Variants in DLGAP2 observed in about 807,000 individuals in gnomAD.
DLGAP2 encodes the protein DLG associated protein 2, also known as disks large-associated protein 2.
A neutral mutation model predicts 100.3 loss-of-function variants in DLGAP2; 26 were observed. That is an observed-to-expected ratio of 0.26 (90% CI 0.19 to 0.36). DLGAP2 has a LOEUF of 0.36. DLGAP2 is among the 10% of genes least tolerant of loss of function. DLGAP2 has a pLI of 1.00. For missense variants in DLGAP2, 1,858 were observed against 1,453.2 expected (o/e 1.28, Z -4.53); for synonymous variants, 886 against 630.1 (o/e 1.41, Z -6.08).
chr8:1,698,096 C>T (rs565722099), intron 14 of DLGAP2, among the ~76,000 whole-genome samples: 5 of 152,350 alleles, frequency 3.3e-5, no homozygotes, highest in East Asian at 1.9e-4. Context: ...GTCATGAGAA[C>T]GAGAGCCAGA....
chr8:1,409,466 A>G (rs767660390), intron 3 of DLGAP2, among the ~76,000 whole-genome samples: 2 of 152,224 alleles, frequency 1.3e-5, no homozygotes, highest in East Asian at 3.9e-4. Flanking sequence ...GTAAAGACTG[A>G]TTTCAGAAAT....
At chr8:852,305 C>G (rs186323139) in intron 1 of DLGAP2, among the ~76,000 whole-genome samples, 4 of 152,314 alleles carry the variant, frequency 2.6e-5, no homozygotes, top group East Asian at 1.9e-4. Context: ...GGCTCTGCCT[C>G]CTGTCTCCAC....
Position 809,108 on chromosome 8 carries a change from T to A in DLGAP2, c.18+71283T>A, listed in dbSNP as rs143618377. Among the ~76,000 whole-genome samples the A allele has an allele frequency of 4.5e-3, 687 of 152,262 alleles. 3 individuals carry two copies. Among genetic ancestry groups the A allele is most frequent in the African/African-American group, 0.016 (655 of 41,540 alleles). The stretch of plus-strand genomic sequence containing the variant: ...TTTTAGTAGACAGGATTTCACCATG[T>A]TGGCCAGGCTGGTTTCGAATTCCTG... On this transcript the variant is annotated intron_variant, in intron 1 of 14. Coordinates refer to ENST00000637795, the MANE Select transcript of DLGAP2 (RefSeq NM_001346810.2).
At chr8:1,560,556 C>G (rs546396199) in intron 5 of DLGAP2, among the ~76,000 whole-genome samples, 2 of 152,298 alleles carry the variant, frequency 1.3e-5, no homozygotes, top group Admixed American at 1.3e-4. Flanking sequence ...GGGGAAGCTT[C>G]ATGGAAGGAA....
At position 1,493,174 on chromosome 8, in the gene DLGAP2, C is replaced by T. The variant is rs560483462; in HGVS notation, c.107-8192C>T. On this transcript the variant is annotated intron_variant, in intron 3 of 14. Coordinates refer to ENST00000637795, the MANE Select transcript of DLGAP2 (RefSeq NM_001346810.2). ...AAGAACTCGGGGAGAAGAGGCAGTG[C>T]CCTAGGAACCCAGATGGCTGCCTTC... 1.7e-4 allele frequency among the ~76,000 whole-genome samples: 26 copies of T among 152,318 alleles called. No individual in the cohort carries two copies. In the East Asian group the frequency reaches 4.2e-3, roughly 25 times the overall value.
chr8:1,086,230 T>G (rs1259546344), intron 2 of DLGAP2, among the ~76,000 whole-genome samples: 1 of 152,234 alleles, frequency 6.6e-6, no homozygotes, highest in East Asian at 1.9e-4. Flanking sequence ...TTAACTTCTT[T>G]CCAATTTGTA....
At chr8:743,355 G>T (rs181450848) in intron 1 of DLGAP2, among the ~76,000 whole-genome samples, 4 of 152,226 alleles carry the variant, frequency 2.6e-5, no homozygotes, top group East Asian at 1.9e-4. Context: ...TCATTTTTTG[G>T]TGAAGATAAA....
Position 1,456,806 on chromosome 8 carries a change from C to T in DLGAP2, c.107-44560C>T, listed in dbSNP as rs6558476. ...GTTTTGCGAGGGAGCTCTGTGATGC[C>T]GTGAGCCCGGGTGCCTGCACTCTGG... On this transcript the variant is annotated intron_variant, in intron 3 of 14. Coordinates refer to ENST00000637795, the MANE Select transcript of DLGAP2 (RefSeq NM_001346810.2). 4.4e-3 allele frequency among the ~76,000 whole-genome samples: 420 copies of T among 96,422 alleles called. 1 individual carries two copies. Among genetic ancestry groups the T allele is most frequent in the East Asian group, 6.9e-3 (24 of 3,476 alleles). The allele number at this position is 96,422 out of a possible 152,430, so 63.3% of individuals were successfully genotyped here.
chr8:796,024 C>G (rs1376675444), intron 1 of DLGAP2, among the ~76,000 whole-genome samples: 5 of 134,762 alleles, frequency 3.7e-5, no homozygotes, highest in Admixed American at 1.5e-4. Context: ...TGAGAGCAGG[C>G]ATCCAGTGAG....
intron 3 of DLGAP2, among the ~76,000 whole-genome samples, chr8:1,496,060 GA>G (rs1196926234): frequency 2.6e-5 from 4 of 152,128 alleles, no homozygotes; most frequent in South Asian, 2.1e-4. Context: ...CTGATACATA[GA>G]GAATGTAAAA....
intron 1 of DLGAP2, among the ~76,000 whole-genome samples, chr8:833,011 T>C (rs1253145270): frequency 2.6e-5 from 4 of 152,218 alleles, no homozygotes; most frequent in Admixed American, 2.0e-4. Context: ...TTCATGTAGA[T>C]GAAGGTGCAA....
chr8:1,171,629 A>G (rs1474657628), intron 2 of DLGAP2, among the ~76,000 whole-genome samples: 2 of 152,146 alleles, frequency 1.3e-5, no homozygotes, highest in African/African-American at 2.4e-5. Flanking sequence ...TCCCTTTACC[A>G]TTATGTAATG....
At chr8:786,523 G>A (rs955955849) in intron 1 of DLGAP2, among the ~76,000 whole-genome samples, 3 of 152,168 alleles carry the variant, frequency 2.0e-5, no homozygotes, top group Non-Finnish European at 2.9e-5. Flanking sequence ...AAGCAGCCTT[G>A]CTGTACACAA....
chr8:1,663,417 G>A (rs559378602), intron 8 of DLGAP2, among the ~76,000 whole-genome samples: 4 of 152,058 alleles, frequency 2.6e-5, no homozygotes, highest in African/African-American at 9.7e-5. Flanking sequence ...GTCTTCGCCA[G>A]CTTCTCTGGA....
At chr8:1,486,346 C>T (rs538906794) in intron 3 of DLGAP2, among the ~76,000 whole-genome samples, 1 of 152,324 alleles carries the variant, frequency 6.6e-6, no homozygotes, top group East Asian at 1.9e-4. Context: ...GGCCGGAAGT[C>T]TGTTCAGAAG....
At chr8:935,084 G>A (rs1584902936) in intron 2 of DLGAP2, among the ~76,000 whole-genome samples, 1 of 152,196 alleles carries the variant, frequency 6.6e-6, no homozygotes, top group African/African-American at 2.4e-5. Flanking sequence ...CTGTGTAAGT[G>A]GCCATTAAAC....
chr8:1,542,467 C>T (rs1015300240), intron 4 of DLGAP2, among the ~76,000 whole-genome samples: 3 of 152,372 alleles, frequency 2.0e-5, no homozygotes, highest in African/African-American at 7.2e-5. Context: ...CTGTTCTGCA[C>T]ACTTCATATG....
chr8:1,507,382 G>A (rs1295596871), intron 4 of DLGAP2, among the ~76,000 whole-genome samples: 6 of 152,166 alleles, frequency 3.9e-5, no homozygotes, highest in East Asian at 1.9e-4. Context: ...CACATCCTCC[G>A]CAGCTGCTGG....
intron 1 of DLGAP2, among the ~76,000 whole-genome samples, chr8:884,083 T>C (rs562048052): frequency 6.6e-6 from 1 of 152,348 alleles, no homozygotes; most frequent in Admixed American, 6.5e-5. Context: ...CTATTGTGAA[T>C]AGTGCTGCAA....
Sources: allele counts gnomAD v4.1 joint callset (sites outside exome capture counted in the v4.1 genomes callset), GRCh38; gene constraint gnomAD v4.1.1; transcripts MANE v1.5; gene names NCBI Gene and HGNC (gene_info 2026-07-23, HGNC 2026-07-21).